The following ANO10 variants were observed in gnomAD, a reference collection of about 807,000 sequenced individuals.
The protein encoded by ANO10 is anoctamin-10.
ANO10 carries 77 observed loss-of-function variants against 74.7 expected under a neutral mutation model. That is an observed-to-expected ratio of 1.03 (90% CI 0.86 to 1.25). The LOEUF is 1.25. Ranked by LOEUF, ANO10 falls within the 50% of genes most tolerant of loss-of-function variation. ANO10 has a pLI of 0.00. For missense variants in ANO10, 721 were observed against 778.1 expected (o/e 0.93, Z 0.87); for synonymous variants, 279 against 284.9 (o/e 0.98, Z 0.21).
intron 9 of ANO10, 147 bp downstream of exon 9, chr3:43,561,073 T>C: frequency 4.3e-6 from 4 of 929,066 alleles, no homozygotes; most frequent in South Asian, 1.4e-5. Context: ...CCTTTCACTT[T>C]AAAGTGGTTC....
At chr3:43,464,287 A>G (rs541083916) in intron 11 of ANO10, among the ~76,000 whole-genome samples, 1 of 152,346 alleles carries the variant, frequency 6.6e-6, no homozygotes, top group Admixed American at 6.5e-5. Flanking sequence ...ACAGACCAAT[A>G]TCTCTCATTG....
intron 11 of ANO10, among the ~76,000 whole-genome samples, chr3:43,541,658 G>A (rs886627713): frequency 2.0e-5 from 3 of 152,196 alleles, no homozygotes; most frequent in South Asian, 4.2e-4. Context: ...ATTAATAAAC[G>A]TTTAACAAGC....
chr3:43,470,174 C>T (rs1290765470), intron 11 of ANO10, among the ~76,000 whole-genome samples: 3 of 152,044 alleles, frequency 2.0e-5, no homozygotes, highest in Non-Finnish European at 4.4e-5. Context: ...CCTATCAAAC[C>T]ATGAAAAGAC....
At chr3:43,658,141 A>T (rs1466590438) in intron 1 of ANO10, among the ~76,000 whole-genome samples, 1 of 152,234 alleles carries the variant, frequency 6.6e-6, no homozygotes, top group African/African-American at 2.4e-5. Flanking sequence ...ACAACAGTAC[A>T]AGTTATTGGA....
chr3:43,423,974 C>T (rs2092859819), intron 12 of ANO10, among the ~76,000 whole-genome samples: 1 of 152,150 alleles, frequency 6.6e-6, no homozygotes, highest in African/African-American at 2.4e-5. Flanking sequence ...TGTTACGGTA[C>T]CATTTTATCC....
At chr3:43,636,019 A>C (rs1262693618) in intron 1 of ANO10, among the ~76,000 whole-genome samples, 2 of 151,966 alleles carry the variant, frequency 1.3e-5, no homozygotes, top group Non-Finnish European at 1.5e-5. Flanking sequence ...CAAGTAAAAA[A>C]AACAAAAAAA....
intron 11 of ANO10, among the ~76,000 whole-genome samples, chr3:43,474,069 T>C (rs1021622533): frequency 2.0e-5 from 3 of 152,214 alleles, no homozygotes; most frequent in Non-Finnish European, 4.4e-5. Context: ...GAAAGTGGTA[T>C]AACAGAGGCC....
chr3:43,664,699 C>T (rs531885897), intron 1 of ANO10, among the ~76,000 whole-genome samples: 1 of 152,156 alleles, frequency 6.6e-6, no homozygotes, highest in Non-Finnish European at 1.5e-5. Flanking sequence ...CAAACAAGCC[C>T]ATCAAAAAAT....
At chr3:43,422,931 A>G (rs1323769965) in intron 12 of ANO10, among the ~76,000 whole-genome samples, 1 of 152,192 alleles carries the variant, frequency 6.6e-6, no homozygotes, top group Non-Finnish European at 1.5e-5. Flanking sequence ...AAAATACAGG[A>G]GGAAAAAGTC....
At chr3:43,476,058 G>A (rs549156628) in intron 11 of ANO10, among the ~76,000 whole-genome samples, 1 of 152,024 alleles carries the variant, frequency 6.6e-6, no homozygotes, top group African/African-American at 2.4e-5. Context: ...TTTATTCTAT[G>A]TGATTTACTT....
chr3:43,562,082 A>G (rs1264871687), intron 8 of ANO10, among the ~76,000 whole-genome samples: 2 of 152,178 alleles, frequency 1.3e-5, no homozygotes, highest in East Asian at 1.9e-4. Context: ...CTAAGAATGT[A>G]TATTGAGGCA....
At chr3:43,543,482 C>G (rs889390734) in intron 11 of ANO10, among the ~76,000 whole-genome samples, 1 of 152,272 alleles carries the variant, frequency 6.6e-6, no homozygotes, top group African/African-American at 2.4e-5. Context: ...CTCTGCCTCC[C>G]GAATTCACGA....
At chr3:43,552,335 A>G (rs945797276) in intron 10 of ANO10, among the ~76,000 whole-genome samples, 4 of 152,154 alleles carry the variant, frequency 2.6e-5, no homozygotes, top group Non-Finnish European at 4.4e-5. Flanking sequence ...TGGTAGGATC[A>G]TTTGAGGCCA....
intron 12 of ANO10, among the ~76,000 whole-genome samples, chr3:43,406,373 G>A (rs577139678): frequency 5.0e-4 from 76 of 152,216 alleles, no homozygotes; most frequent in African/African-American, 1.6e-3. Context: ...ACAAAACATC[G>A]AGCTATAAAT....
At position 43,406,818 on chromosome 3, in the gene ANO10, A is replaced by G. The variant is rs539653886; in HGVS notation, c.1914+25793T>C. ...ATGGGCATTTTTACACAACAGTGCC[A>G]GTTGATCATATGACTATCAACTGAA... On this transcript the variant is annotated intron_variant, in intron 12 of 12. Coordinates refer to ENST00000292246, the MANE Select transcript of ANO10 (RefSeq NM_018075.5). 4.6e-5 allele frequency among the ~76,000 whole-genome samples: 7 copies of G among 152,330 alleles called. No homozygotes were observed. In the South Asian group the frequency reaches 1.5e-3, roughly 32 times the overall value.
At chr3:43,474,220 C>G (rs368302795) in intron 11 of ANO10, among the ~76,000 whole-genome samples, 9 of 152,070 alleles carry the variant, frequency 5.9e-5, no homozygotes, top group East Asian at 5.8e-4. Context: ...CCCCGCCCCC[C>G]CCAACCCCAA....
chr3:43,681,820 T>C (rs1282330611), intron 1 of ANO10, among the ~76,000 whole-genome samples: 1 of 152,224 alleles, frequency 6.6e-6, no homozygotes, highest in African/African-American at 2.4e-5. Flanking sequence ...AACCTGCTCC[T>C]GAATGACTAC....
chr3:43,590,434 G>A (rs543756489), intron 4 of ANO10, among the ~76,000 whole-genome samples: 13 of 152,308 alleles, frequency 8.5e-5, no homozygotes, highest in Admixed American at 2.6e-4. Context: ...GGAAGCTAGA[G>A]AGGCAAATAA....
chr3:43,691,183 C>T, intron 1 of ANO10: 1 of 778,908 alleles, frequency 1.3e-6, no homozygotes, highest in Non-Finnish European at 1.8e-6. Context: ...CGGCATGAGT[C>T]CGCGCGGCGC....
Sources: allele counts gnomAD v4.1 joint callset (sites outside exome capture counted in the v4.1 genomes callset), GRCh38; gene constraint gnomAD v4.1.1; transcripts MANE v1.5; gene names NCBI Gene and HGNC (gene_info 2026-07-23, HGNC 2026-07-21).